TYW5: variants seen among roughly 807,000 people sequenced by gnomAD.
TYW5 encodes the protein tRNA wybutosine-synthesizing protein 5.
In TYW5, 36 loss-of-function variants were observed where a neutral mutation model predicts 44.4. The observed-to-expected ratio is 0.81, with a 90% CI of 0.62 to 1.07. The LOEUF (loss-of-function observed/expected upper bound fraction) is 1.07. Ranked by LOEUF, TYW5 falls within the 50% of genes least tolerant of loss-of-function variation. The probability of loss-of-function intolerance (pLI) is 0.00; values close to 1 mark genes in which losing one functional copy is unlikely to be tolerated. For missense variants in TYW5, 354 were observed against 365.7 expected (o/e 0.97, Z 0.26); for synonymous variants, 121 against 128.1 (o/e 0.94, Z 0.37).
chr2:199,936,766 A>G (rs1244745870), intron 5 of TYW5, among the ~76,000 whole-genome samples: 2 of 152,242 alleles, frequency 1.3e-5, no homozygotes, highest in African/African-American at 4.8e-5. Flanking sequence ...ATTAACTGAC[A>G]GCATAGTTAA....
In TYW5 at chr2:199,939,089, A is replaced by T; in HGVS notation, c.349-19T>A. The T allele has an allele frequency of 6.3e-7, 1 of 1,581,634 alleles. No homozygotes were observed. The highest frequency in any genetic ancestry group is 1.2e-5 in the South Asian group (1 of 85,916). On this transcript the variant is annotated intron_variant, in intron 4 of 7. Transcript: ENST00000354611. ...CAACATCCTGCATTTACAGAAACAT[A>T]AAAAGAAAAAATTAGATTAGACCCT...
At chr2:199,937,437 C>T (rs191308986) in intron 5 of TYW5, among the ~76,000 whole-genome samples, 25 of 151,212 alleles carry the variant, frequency 1.7e-4, no homozygotes, top group Non-Finnish European at 2.4e-4. Flanking sequence ...TCGAGGTGGG[C>T]GGATTACTTG....
chr2:199,940,086 T>A lies in TYW5; in HGVS notation c.348+3A>T, dbSNP rs749813832. 4 of 1,612,148 alleles carry A rather than the reference T, an allele frequency of 2.5e-6. No homozygotes were observed. The highest frequency in any genetic ancestry group is 1.3e-5 in the African/African-American group (1 of 74,962). On this transcript the variant is annotated splice_donor_region_variant and intron_variant, in intron 4 of 7. Coordinates refer to ENST00000354611, the MANE Select transcript of TYW5 (RefSeq NM_001039693.3). ...GGAATTGTTTTACATTTAGAATTCT[T>A]ACCTTTCTAGGGTCTTCTCCAAGTG...
Position 199,931,315 on chromosome 2 carries a change from T to C in TYW5, c.*1752A>G, listed in dbSNP as rs1202181635. On this transcript the variant is annotated 3_prime_UTR_variant, in exon 8 of 8. Transcript: ENST00000354611. ...TCCAGTTTGCTTCTCCATTAAACAA[T>C]CAATTAAGATGACTATTCAGTGCAC... The C allele has an allele frequency of 1.3e-5, 2 of 152,180 alleles. No homozygotes were observed. The highest frequency in any genetic ancestry group is 2.9e-5 in the Non-Finnish European group (2 of 68,022). 9.4% of individuals were successfully genotyped at this position (152,180 alleles called of 1,614,324 possible). A position where few individuals can be genotyped will look rare whatever the true frequency, so the allele number is the denominator to read the frequency against.
At chr2:199,945,653 T>G (rs1031689772) in intron 2 of TYW5, 1 of 152,264 alleles carries the variant, frequency 6.6e-6, no homozygotes, top group Non-Finnish European at 1.5e-5. Context: ...ATCTGGACCA[T>G]AGCCACTACT....
intron 3 of TYW5, chr2:199,942,093 G>C (rs1461337425): frequency 6.7e-6 from 1 of 150,054 alleles, no homozygotes; most frequent in African/African-American, 2.5e-5. Context: ...TTGAGACGGA[G>C]TCTTGCTCTG....
chr2:199,933,127 G>C lies in TYW5; in HGVS notation c.888C>G (p.Phe296Leu), dbSNP rs774231572. The C allele has an allele frequency of 1.9e-6, 3 of 1,614,110 alleles. No homozygotes were observed. In the South Asian group the frequency reaches 3.3e-5, roughly 18 times the overall value. The change falls in exon 8 of 8, where the codon TTC becomes TTG. Residue 296 changes from phenylalanine (F) to leucine (L), a missense_variant. Coordinates refer to ENST00000354611, the MANE Select transcript of TYW5 (RefSeq NM_001039693.3). ...LAELPEEYRD[F>L]YARRMVLHIQ... The stretch of plus-strand genomic sequence containing the variant: ...TGTGTAGGACCATTCGTCGTGCATA[G>C]AAGTCCCTATATTCCTCTGGTAACT...
intron 7 of TYW5, among the ~76,000 whole-genome samples, chr2:199,933,920 G>C (rs72928211): frequency 6.6e-6 from 1 of 152,014 alleles, no homozygotes; most frequent in East Asian, 1.9e-4. Flanking sequence ...AAATATTTTG[G>C]TGGTGGAAAT....
At chr2:199,940,710 T>C (rs1212582398) in intron 3 of TYW5, among the ~76,000 whole-genome samples, 1 of 152,086 alleles carries the variant, frequency 6.6e-6, no homozygotes, top group Non-Finnish European at 1.5e-5. Flanking sequence ...CTCATGATAG[T>C]GACTGGATCC....
intron 3 of TYW5, among the ~76,000 whole-genome samples, chr2:199,940,650 T>C (rs558642113): frequency 5.9e-5 from 9 of 152,288 alleles, no homozygotes; most frequent in African/African-American, 2.2e-4. Flanking sequence ...TCTTACCCTT[T>C]CTACTAATGC....
In TYW5 at chr2:199,930,848, A is replaced by G. The variant is rs6435036; in HGVS notation, c.*2219T>C. ...TGTGAACCCAGACAATCATTAAGCAATCTGGGTTGGTTAGATGGCTTCTAA... is the reference window on the plus strand; with the variant it reads ...TGTGAACCCAGACAATCATTAAGCAGTCTGGGTTGGTTAGATGGCTTCTAA... On this transcript the variant is annotated 3_prime_UTR_variant, in exon 8 of 8. Transcript: ENST00000354611. 78,962 of 151,918 alleles carry G rather than the reference A, an allele frequency of 0.52. 20,803 individuals are homozygous for G. Among genetic ancestry groups the G allele is most frequent in the South Asian group, 0.61 (2,949 of 4,806 alleles). The allele number at this position is 151,918 out of a possible 1,614,324, so 9.4% of individuals were successfully genotyped here.
chr2:199,936,568 T>G, intron 5 of TYW5, 76 bp from the exon 6 acceptor site: 1 of 1,213,678 alleles, frequency 8.2e-7, no homozygotes, highest in Non-Finnish European at 1.2e-6. Flanking sequence ...TGCTAAACTT[T>G]AACTGCAAAC....
chr2:199,945,000 T>C (rs2077493011), intron 2 of TYW5: 1 of 152,214 alleles, frequency 6.6e-6, no homozygotes. Flanking sequence ...AGATGAATTA[T>C]GTTTGCACCA....
At chr2:199,941,898 C>A (rs574748303) in intron 3 of TYW5, among the ~76,000 whole-genome samples, 2 of 152,108 alleles carry the variant, frequency 1.3e-5, no homozygotes, top group African/African-American at 4.8e-5. Context: ...ACATTGCCAC[C>A]CAATGCAGGA....
Position 199,930,177 on chromosome 2 carries a change from A to G in TYW5, c.*2890T>C, listed in dbSNP as rs1383854669. 6.6e-6 allele frequency: 1 copy of G among 152,096 alleles called. No homozygotes were observed. The highest frequency in any genetic ancestry group is 2.1e-4 in the South Asian group (1 of 4,822). 9.4% of individuals were successfully genotyped at this position (152,096 alleles called of 1,614,324 possible). ...TTTTTGGTAGAGACAAGGTTTCGCC[A>G]TGTTGCCCAGGCTGGTCTCGAACTC... is the stretch of plus-strand genomic sequence containing the variant. On this transcript the variant is annotated 3_prime_UTR_variant, in exon 8 of 8. Coordinates refer to ENST00000354611, the MANE Select transcript of TYW5 (RefSeq NM_001039693.3).
rs1369602310 is a variant in TYW5 at position 199,936,441 on chromosome 2, A to G, written c.538T>C (p.Phe180Leu). Residue 180 changes from phenylalanine to leucine, a missense_variant, in exon 6 of 8, where the codon TTC becomes CTC. By Grantham distance (22) the Phe-to-Leu change is conservative. Coordinates refer to ENST00000354611, the MANE Select transcript of TYW5 (RefSeq NM_001039693.3). ...AAATACTGGGCATCTCGAGGACTGAAGAGTACAACACGCTTTTTTCCTGTC... is the reference window on the plus strand; with the variant it reads ...AAATACTGGGCATCTCGAGGACTGAGGAGTACAACACGCTTTTTTCCTGTC... ...QVTGKKRVVL[F>L]SPRDAQYLYL... The G allele has an allele frequency of 3.1e-6, 5 of 1,613,454 alleles. No homozygotes were observed. The highest frequency in any genetic ancestry group is 1.7e-5 in the Admixed American group (1 of 60,008).
chr2:199,937,068 T>C lies in TYW5; in HGVS notation c.487-576A>G, dbSNP rs2077426388. 2.0e-5 allele frequency among the ~76,000 whole-genome samples: 3 copies of C among 152,162 alleles called. No individual in the cohort carries two copies. The East Asian group carries it at 5.8e-4, about 29-fold the overall frequency. On this transcript the variant is annotated intron_variant, in intron 5 of 7. Coordinates refer to ENST00000354611, the MANE Select transcript of TYW5 (RefSeq NM_001039693.3). Reference sequence around the variant, plus strand: ...AGATTTTCTTAATATATATTTATTATTGGAGCAATCGTTTCCCATGAATGT... The same window carrying C: ...AGATTTTCTTAATATATATTTATTACTGGAGCAATCGTTTCCCATGAATGT...
intron 2 of TYW5, chr2:199,946,882 A>G (rs1056059323): frequency 6.6e-6 from 1 of 152,244 alleles, no homozygotes; most frequent in South Asian, 2.1e-4. Context: ...ATGTGCTTCA[A>G]AAACAACTTT....
intron 7 of TYW5, among the ~76,000 whole-genome samples, chr2:199,935,719 AACACACACAC>A (rs142361195): frequency 0.086 from 11,908 of 138,100 alleles, 876 homozygotes; most frequent in East Asian, 0.24. Context: ...GCCTGCTTTA[AACACACACAC>A]ACACACACAC....
Sources: gnomAD v4.1 joint callset for allele counts (sites outside exome capture counted in the v4.1 genomes callset) on GRCh38, gnomAD v4.1.1 for gene constraint, MANE v1.5 for transcripts, NCBI Gene and HGNC (gene_info 2026-07-23, HGNC 2026-07-21) for gene names.